TAS2R1: variants seen among roughly 807,000 people sequenced by gnomAD.
TAS2R1 encodes taste 2 receptor member 1, also known as taste receptor type 2 member 1.
For missense variants in TAS2R1, 370 were observed against 353.4 expected (o/e 1.05, Z -0.38); for synonymous variants, 141 against 134.2 (o/e 1.05, Z -0.35).
chr5:9,813,153 G>C, the TAS2R1 span, among the ~76,000 whole-genome samples: 1 of 152,124 alleles, frequency 6.6e-6, no homozygotes, highest in Non-Finnish European at 1.5e-5. Flanking sequence ...ATTGGACACA[G>C]AGATACCCAT....
At chr5:9,693,524 C>CAAAAAAAA (rs35262775) in intron 1 of TAS2R1, among the ~76,000 whole-genome samples, 4 of 32,982 alleles carry the variant, frequency 1.2e-4, no homozygotes, top group Admixed American at 3.3e-4. Context: ...AACTCCATCT[C>CAAAAAAAA]AAAAAAAAAA....
the TAS2R1 span, among the ~76,000 whole-genome samples, chr5:9,864,007 C>G: frequency 6.6e-6 from 1 of 152,188 alleles, no homozygotes; most frequent in Non-Finnish European, 1.5e-5. Flanking sequence ...GAGCTTAGAC[C>G]AAACATGATT....
At chr5:9,705,550 T>C (rs1225565020) in intron 1 of TAS2R1, among the ~76,000 whole-genome samples, 4 of 152,046 alleles carry the variant, frequency 2.6e-5, no homozygotes, top group African/African-American at 4.8e-5. Context: ...GATTGAAGGG[T>C]TTCTGGGATA....
chr5:9,762,143 T>A, the TAS2R1 span, among the ~76,000 whole-genome samples: 1 of 152,166 alleles, frequency 6.6e-6, no homozygotes, highest in African/African-American at 2.4e-5. Context: ...AATAAAAGAA[T>A]ATGCTGTCTA....
the TAS2R1 span, among the ~76,000 whole-genome samples, chr5:9,838,680 G>A: frequency 7.2e-5 from 11 of 152,272 alleles, no homozygotes; most frequent in South Asian, 2.1e-4. Context: ...CTTCTGCTCC[G>A]AAAGCACAAC....
At chr5:9,633,240 T>C (rs957199173), upstream of TAS2R1, among the ~76,000 whole-genome samples, 33 of 146,740 alleles carry the variant, frequency 2.2e-4, no homozygotes, top group African/African-American at 7.7e-4. Context: ...GTCTCATTCA[T>C]TTTTTATGGC....
At chr5:9,743,813 G>T in the TAS2R1 span, among the ~76,000 whole-genome samples, 2 of 152,038 alleles carry the variant, frequency 1.3e-5, no homozygotes, top group Admixed American at 6.6e-5. Context: ...TGTTACCAAA[G>T]GCAAGTGAGG....
At chr5:9,739,448 G>T in the TAS2R1 span, among the ~76,000 whole-genome samples, 2 of 152,144 alleles carry the variant, frequency 1.3e-5, no homozygotes, top group African/African-American at 2.4e-5. Flanking sequence ...ATTTGAAAAT[G>T]GAATTAATAA....
At chr5:9,670,445 C>A (rs1337220015) in intron 1 of TAS2R1, among the ~76,000 whole-genome samples, 1 of 152,174 alleles carries the variant, frequency 6.6e-6, no homozygotes, top group Non-Finnish European at 1.5e-5. Flanking sequence ...GTTTCTGTAT[C>A]TTACTACTGT....
the TAS2R1 span, among the ~76,000 whole-genome samples, chr5:9,855,650 C>T: frequency 6.6e-6 from 1 of 152,230 alleles, no homozygotes; most frequent in Non-Finnish European, 1.5e-5. Context: ...AGAGATGCCT[C>T]CAAGTTTTTA....
At chr5:9,856,473 T>C in the TAS2R1 span, among the ~76,000 whole-genome samples, 1 of 152,142 alleles carries the variant, frequency 6.6e-6, no homozygotes, top group Admixed American at 6.5e-5. Context: ...ACAGAGGAAG[T>C]TGTTGGGCCC....
At chr5:9,823,513 GAGGGA>G in the TAS2R1 span, among the ~76,000 whole-genome samples, 37 of 144,470 alleles carry the variant, frequency 2.6e-4, 1 homozygote, top group Non-Finnish European at 3.9e-4. Context: ...AAGGGGAAGG[GAGGGA>G]AGGGAAGGGA....
At chr5:9,727,965 G>A in the TAS2R1 span, among the ~76,000 whole-genome samples, 2 of 152,176 alleles carry the variant, frequency 1.3e-5, no homozygotes, top group Non-Finnish European at 2.9e-5. Flanking sequence ...CAGATCTACA[G>A]ATGAGCCAAA....
At chr5:9,877,750 G>C in the TAS2R1 span, among the ~76,000 whole-genome samples, 51 of 152,206 alleles carry the variant, frequency 3.4e-4, no homozygotes, top group Non-Finnish European at 5.9e-4. Flanking sequence ...TCAAATTTCT[G>C]TCTGCGAACT....
the TAS2R1 span, among the ~76,000 whole-genome samples, chr5:9,782,677 C>A: frequency 1.3e-5 from 2 of 152,210 alleles, no homozygotes; most frequent in African/African-American, 4.8e-5. Context: ...AAGAGTCGTG[C>A]ATGCAAGAAT....
chr5:9,678,539 C>T (rs958295079), intron 1 of TAS2R1, among the ~76,000 whole-genome samples: 1 of 152,112 alleles, frequency 6.6e-6, no homozygotes, highest in African/African-American at 2.4e-5. Context: ...CCCAAATGCC[C>T]ATCAATGACA....
At chr5:9,725,169 C>A in the TAS2R1 span, among the ~76,000 whole-genome samples, 1 of 152,250 alleles carries the variant, frequency 6.6e-6, no homozygotes, top group African/African-American at 2.4e-5. Context: ...CGAGCCCTTG[C>A]TCGCTCTGGG....
chr5:9,699,246 C>G (rs190552348), intron 1 of TAS2R1, among the ~76,000 whole-genome samples: 19 of 152,314 alleles, frequency 1.2e-4, no homozygotes, highest in Admixed American at 3.3e-4. Context: ...GCTAAATAAT[C>G]GAACATGTAA....
chr5:9,821,050 T>C, the TAS2R1 span, among the ~76,000 whole-genome samples: 1 of 152,126 alleles, frequency 6.6e-6, no homozygotes, highest in African/African-American at 2.4e-5. Context: ...AGTAAAACTT[T>C]ATAGGTGGAG....
Sources: gnomAD v4.1 joint callset for allele counts (sites outside exome capture counted in the v4.1 genomes callset) on GRCh38, gnomAD v4.1.1 for gene constraint, MANE v1.5 for transcripts, NCBI Gene and HGNC (gene_info 2026-07-23, HGNC 2026-07-21) for gene names.